Variants in COL5A1 observed in about 807,000 individuals in gnomAD.
COL5A1 encodes collagen type V alpha 1 chain.
A neutral mutation model predicts 263.7 loss-of-function variants in COL5A1; 16 were observed. The observed-to-expected ratio is 0.06, with a 90% CI of 0.04 to 0.09. The LOEUF is 0.09. Ranked by LOEUF, COL5A1 falls within the 10% of genes least tolerant of loss-of-function variation. The probability of loss-of-function intolerance (pLI) is 1.00; values close to 1 mark genes in which losing one functional copy is unlikely to be tolerated. For missense variants in COL5A1, 2,036 were observed against 2,540.5 expected (o/e 0.80, Z 4.27); for synonymous variants, 1,012 against 1,004.5 (o/e 1.01, Z -0.14).
At chr9:134,798,782 G>T (rs931077740) in intron 37 of COL5A1, among the ~76,000 whole-genome samples, 1 of 152,346 alleles carries the variant, frequency 6.6e-6, no homozygotes, top group Non-Finnish European at 1.5e-5. Context: ...ATCCTGGGCC[G>T]ACTGAAGCCT....
chr9:134,721,663 G>A (rs1455896218), intron 4 of COL5A1, among the ~76,000 whole-genome samples: 1 of 152,226 alleles, frequency 6.6e-6, no homozygotes, highest in African/African-American at 2.4e-5. Flanking sequence ...TGGGGGTGCA[G>A]ACATCACAGA....
At position 134,682,562 on chromosome 9, in the gene COL5A1, G is replaced by GGAGA. The variant is rs1334758411; in HGVS notation, c.110-8348_110-8345dup. 6.6e-6 allele frequency among the ~76,000 whole-genome samples: 1 copy of GGAGA among 152,254 alleles called. No homozygotes were observed. The highest frequency in any genetic ancestry group is 6.5e-5 in the Admixed American group (1 of 15,284). Reference sequence around the variant, plus strand: ...CTACCACACTGCCTGGTGGGGTGGGGGAGAGCCTGCTGCCCAGGAAGGGCG... The same window carrying GGAGA: ...CTACCACACTGCCTGGTGGGGTGGGGGAGAGAGAGCCTGCTGCCCAGGAAGGGCG... On this transcript the variant is annotated intron_variant, in intron 1 of 65. Transcript: ENST00000371817. The surrounding 1 kb of genome is among the most constrained non-coding windows in gnomAD (Gnocchi z 5.1).
rs1833448682 is a variant in COL5A1, at chr9:134,696,032, G to A, written c.278-3877G>A. Reference sequence around the variant, plus strand: ...CTCCCCTTAGCCCGGCCCCTCCTGGGCTGCCAGGGTCCAGCTGAAACCTCA... The same window carrying A: ...CTCCCCTTAGCCCGGCCCCTCCTGGACTGCCAGGGTCCAGCTGAAACCTCA... On this transcript the variant is annotated intron_variant, in intron 2 of 65. Transcript: ENST00000371817. The surrounding 1 kb of genome is among the most constrained non-coding windows in gnomAD (Gnocchi z 4.3). Among the ~76,000 whole-genome samples, 1 of 152,158 alleles carries A rather than the reference G, an allele frequency of 6.6e-6. No individual in the cohort carries two copies. The highest frequency in any genetic ancestry group is 2.1e-4 in the South Asian group (1 of 4,832).
In COL5A1 at chr9:134,754,817, A is replaced by T. The variant is rs1835913535; in HGVS notation, c.1827+491A>T. Among the ~76,000 whole-genome samples the T allele has an allele frequency of 6.6e-6, 1 of 152,148 alleles. No individual in the cohort carries two copies. Among genetic ancestry groups the T allele is most frequent in the Non-Finnish European group, 1.5e-5 (1 of 68,032 alleles). The stretch of plus-strand genomic sequence containing the variant: ...ATGACCCTGGCTTCTAAAAGAGGAC[A>T]CACGTTTCCCGAGTGCTGACCACCA... On this transcript the variant is annotated intron_variant, in intron 16 of 65. Coordinates refer to ENST00000371817, the MANE Select transcript of COL5A1 (RefSeq NM_000093.5). This position sits in a 1 kb window ranked among gnomAD's most constrained non-coding sequence, Gnocchi z 4.3.
In COL5A1 at chr9:134,755,163, A is replaced by T. The variant is rs4842152; in HGVS notation, c.1827+837A>T. Reference sequence around the variant, plus strand: ...GGTCTATGCAGGGATCTGGGCATGAAACAGAGGCCTGGGCTGGATAATTCC... The same window carrying T: ...GGTCTATGCAGGGATCTGGGCATGATACAGAGGCCTGGGCTGGATAATTCC... On this transcript the variant is annotated intron_variant, in intron 16 of 65. Coordinates refer to ENST00000371817, the MANE Select transcript of COL5A1 (RefSeq NM_000093.5). This position sits in a 1 kb window ranked among gnomAD's most constrained non-coding sequence, Gnocchi z 4.1. 7.9e-5 allele frequency among the ~76,000 whole-genome samples: 12 copies of T among 152,000 alleles called. No homozygotes were observed.
At chr9:134,659,216 G>T (rs1279845607) in intron 1 of COL5A1, among the ~76,000 whole-genome samples, 2 of 152,124 alleles carry the variant, frequency 1.3e-5, no homozygotes, top group Non-Finnish European at 2.9e-5. Context: ...GTGAAACCCT[G>T]TCTCTACTAA....
At chr9:134,828,035 C>A (rs1355276131) in intron 63 of COL5A1, among the ~76,000 whole-genome samples, 1 of 152,210 alleles carries the variant, frequency 6.6e-6, no homozygotes, top group Non-Finnish European at 1.5e-5. Flanking sequence ...AGGGATCAGT[C>A]TTCTGTGTCC....
chr9:134,794,959 G>A lies in COL5A1; in HGVS notation c.2701-123G>A, dbSNP rs1588558068. 2 of 1,032,642 alleles carry A rather than the reference G, an allele frequency of 1.9e-6. No individual in the cohort carries two copies. Among genetic ancestry groups the A allele is most frequent in the South Asian group, 1.3e-5 (1 of 75,996 alleles). 64.0% of individuals were successfully genotyped at this position (1,032,642 alleles called of 1,614,324 possible). Reference sequence around the variant, plus strand: ...AAACACGGAAAAGGTGGGTGGCGGGGAGGCCCAGGTTCCTCCTATCCTGCT... The same window carrying A: ...AAACACGGAAAAGGTGGGTGGCGGGAAGGCCCAGGTTCCTCCTATCCTGCT... On this transcript the variant is annotated intron_variant, in intron 32 of 65. Transcript: ENST00000371817. The surrounding 1 kb of genome is among the most constrained non-coding windows in gnomAD (Gnocchi z 4.3).
rs749596062 is a variant in COL5A1 at position 134,738,482 on chromosome 9, C to T, written c.1398C>T (p.Leu466=). ...TCTCTCTGTCTCCCCAGGGCATGCTCATCGAGGGCCCGCCTGGCCCAGAAG... is the reference window on the plus strand; with the variant it reads ...TCTCTCTGTCTCCCCAGGGCATGCTTATCGAGGGCCCGCCTGGCCCAGAAG... ...GEPAIIEPGM[L]IEGPPGPEGP... The change falls in exon 10 of 66, where the codon CTC becomes CTT. Residue 466 remains leucine, a synonymous_variant. Transcript: ENST00000371817. 22 of 1,613,934 alleles carry T rather than the reference C, an allele frequency of 1.4e-5. No individual in the cohort carries two copies. The highest frequency in any genetic ancestry group is 1.7e-5 in the Non-Finnish European group (20 of 1,180,048).
At chr9:134,659,381 T>A (rs1024018977) in intron 1 of COL5A1, among the ~76,000 whole-genome samples, 31 of 152,138 alleles carry the variant, frequency 2.0e-4, no homozygotes, top group African/African-American at 7.5e-4. Flanking sequence ...AGAGACTCCA[T>A]CTCAAAACAA....
chr9:134,704,827 A>G (rs912285880), intron 4 of COL5A1, among the ~76,000 whole-genome samples: 5 of 151,622 alleles, frequency 3.3e-5, no homozygotes, highest in African/African-American at 1.2e-4. Context: ...GTGAGGAGGA[A>G]GTTCGGTGAG....
At chr9:134,811,108 T>C (rs961395545) in intron 44 of COL5A1, among the ~76,000 whole-genome samples, 12 of 152,162 alleles carry the variant, frequency 7.9e-5, no homozygotes, top group African/African-American at 2.7e-4. Context: ...TCGAGAGACA[T>C]TGGGGGCAGC....
At position 134,696,849 on chromosome 9, in the gene COL5A1, T is replaced by TC. The variant is rs1833490590; in HGVS notation, c.278-3059dup. ...ACTTTGGGAGGCCAAGGCAGGCGGA[T>TC]CACGAGGTCAGGAGATCGAGACCAT... On this transcript the variant is annotated intron_variant, in intron 2 of 65. Coordinates refer to ENST00000371817, the MANE Select transcript of COL5A1 (RefSeq NM_000093.5). This position sits in a 1 kb window ranked among gnomAD's most constrained non-coding sequence, Gnocchi z 4.3. 6.6e-6 allele frequency among the ~76,000 whole-genome samples: 1 copy of TC among 152,058 alleles called. No individual in the cohort carries two copies. The highest frequency in any genetic ancestry group is 2.4e-5 in the African/African-American group (1 of 41,408).
chr9:134,754,222 T>A lies in COL5A1; in HGVS notation c.1774-51T>A. 6.3e-7 allele frequency: 1 copy of A among 1,593,062 alleles called. No individual in the cohort carries two copies. Among genetic ancestry groups the A allele is most frequent in the South Asian group, 1.1e-5 (1 of 90,678 alleles). Reference sequence around the variant, plus strand: ...CACAGGGACAAGGCTTTGCTCTTTCTCCTGAGAAAGGCGGACTCGCCACTG... The same window carrying A: ...CACAGGGACAAGGCTTTGCTCTTTCACCTGAGAAAGGCGGACTCGCCACTG... On this transcript the variant is annotated intron_variant, in intron 15 of 65. Coordinates refer to ENST00000371817, the MANE Select transcript of COL5A1 (RefSeq NM_000093.5). This position sits in a 1 kb window ranked among gnomAD's most constrained non-coding sequence, Gnocchi z 4.3.
chr9:134,839,463 G>T (rs1839952851), intron 65 of COL5A1, among the ~76,000 whole-genome samples: 1 of 152,224 alleles, frequency 6.6e-6, no homozygotes, highest in African/African-American at 2.4e-5. Flanking sequence ...AGAGACTGGT[G>T]CCATCGCTGA....
intron 30 of COL5A1, 83 bp from the exon 31 acceptor site, chr9:134,785,911 GA>G: frequency 1.5e-6 from 2 of 1,308,224 alleles, no homozygotes; most frequent in Non-Finnish European, 2.2e-6. Context: ...GCCCCTGCCA[GA>G]ACGCATGTCC....
chr9:134,791,665 T>G (rs1837695248), intron 32 of COL5A1, among the ~76,000 whole-genome samples: 1 of 152,098 alleles, frequency 6.6e-6, no homozygotes, highest in African/African-American at 2.4e-5. Context: ...CAGAAGCCTC[T>G]GGGCGCTGGC....
rs1838973822 is a variant in COL5A1 at position 134,821,023 on chromosome 9, G to C, written c.4554+800G>C. On this transcript the variant is annotated intron_variant, in intron 58 of 65. Coordinates refer to ENST00000371817, the MANE Select transcript of COL5A1 (RefSeq NM_000093.5). This position sits in a 1 kb window ranked among gnomAD's most constrained non-coding sequence, Gnocchi z 4.2. The stretch of plus-strand genomic sequence containing the variant: ...GTGGCACCCTCACTATGGGCCCGGG[G>C]AAGGTTGCAGGACATGGCTGAAGGG... 6.6e-6 allele frequency among the ~76,000 whole-genome samples: 1 copy of C among 152,282 alleles called. No homozygotes were observed. The highest frequency in any genetic ancestry group is 2.1e-4 in the South Asian group (1 of 4,824).
At chr9:134,658,734 T>C (rs1324078921) in intron 1 of COL5A1, among the ~76,000 whole-genome samples, 1 of 152,052 alleles carries the variant, frequency 6.6e-6, no homozygotes, top group East Asian at 1.9e-4. Context: ...GCAGGCACCC[T>C]GTGGTTGTGC....
Sources: gnomAD v4.1 joint callset for allele counts (sites outside exome capture counted in the v4.1 genomes callset) on GRCh38, gnomAD v4.1.1 for gene constraint, Gnocchi (gnomAD v3.1) non-coding constraint, MANE v1.5 for transcripts, NCBI Gene and HGNC (gene_info 2026-07-23, HGNC 2026-07-21) for gene names.